Variants in SYNCRIP observed in about 807,000 individuals in gnomAD.
The protein encoded by SYNCRIP is heterogeneous nuclear ribonucleoprotein Q.
A neutral mutation model predicts 68.9 loss-of-function variants in SYNCRIP; 9 were observed. That is an observed-to-expected ratio of 0.13 (90% CI 0.08 to 0.23). The LOEUF is 0.23. Among genes scored for constraint, SYNCRIP ranks in the 10% least tolerant of loss-of-function variants. The pLI is 1.00. For missense variants in SYNCRIP, 414 were observed against 770.6 expected, an observed-to-expected ratio of 0.54 and a Z score of 5.48; for synonymous variants, 258 against 254.0, an observed-to-expected ratio of 1.02 and a Z score of -0.15.
chr6:85,619,048 C>T, intron 9 of SYNCRIP, 109 bp from the exon 10 acceptor site: 1 of 1,226,910 alleles, frequency 8.2e-7, no homozygotes, highest in Non-Finnish European at 1.2e-6. Context: ...AGAGAAAGCC[C>T]CATGCAGGCA....
At chr6:85,631,618 T>C (rs984748775) in intron 6 of SYNCRIP, among the ~76,000 whole-genome samples, 1 of 152,222 alleles carries the variant, frequency 6.6e-6, no homozygotes, top group Non-Finnish European at 1.5e-5. Context: ...ATAAAAAGTG[T>C]TAGATGCTAA....
chr6:85,612,142 CTAAGAA>C (rs1319275720), downstream of SYNCRIP: 1 of 152,102 alleles, frequency 6.6e-6, no homozygotes, highest in African/African-American at 2.4e-5. Context: ...CTAAAGGCAA[CTAAGAA>C]TGTTACATTT....
intron 2 of SYNCRIP, 91 bp downstream of exon 2, chr6:85,641,201 T>A: frequency 1.8e-6 from 2 of 1,083,368 alleles, no homozygotes; most frequent in East Asian, 2.4e-5. Context: ...CCCACACTTA[T>A]TGGAAACCAC....
At chr6:85,622,330 T>C (rs1806510995) in intron 8 of SYNCRIP, 152 bp downstream of exon 8, 2 of 737,916 alleles carry the variant, frequency 2.7e-6, no homozygotes, top group South Asian at 1.9e-5. Flanking sequence ...GATGGCACCA[T>C]GGCACTCCAG....
chr6:85,619,682 T>G (rs907589688), intron 8 of SYNCRIP, among the ~76,000 whole-genome samples: 1 of 152,224 alleles, frequency 6.6e-6, no homozygotes, highest in Admixed American at 6.5e-5. Flanking sequence ...TAATCTGTCA[T>G]TCGGAAACCG....
chr6:85,608,132 T>C (rs1201479929), downstream of SYNCRIP: 1 of 152,120 alleles, frequency 6.6e-6, no homozygotes, highest in East Asian at 1.9e-4. Context: ...ACATTTATTC[T>C]ATTCATCTTC....
At chr6:85,641,760 C>T (rs1390867791) in intron 1 of SYNCRIP, among the ~76,000 whole-genome samples, 1 of 152,166 alleles carries the variant, frequency 6.6e-6, no homozygotes, top group East Asian at 1.9e-4. Flanking sequence ...GCAGCTGTGC[C>T]CGTTCGGAAA....
At chr6:85,608,410 C>T (rs1804989986) in exon 12 of SYNCRIP, 1 of 151,920 alleles carries the variant, frequency 6.6e-6, no homozygotes, top group Non-Finnish European at 1.5e-5. Flanking sequence ...AAAATCTTAA[C>T]ATCAGAGGCA....
rs1809116485 is a variant in SYNCRIP, at chr6:85,641,349, G to C, written c.91C>G (p.Leu31Val). The C allele has an allele frequency of 6.2e-7, 1 of 1,612,504 alleles. No homozygotes were observed. The highest frequency in any genetic ancestry group is 8.5e-7 in the Non-Finnish European group (1 of 1,179,958). ...VIHSENFQTL[L>V]DAGLPQKVAE... ...ACTTTCTGTGGTAAACCAGCATCAAGCAATGTCTGAAAATTTTCTGAATGG... is the reference window on the plus strand; with the variant it reads ...ACTTTCTGTGGTAAACCAGCATCAACCAATGTCTGAAAATTTTCTGAATGG... The change falls in exon 2 of 11, where the codon CTT (leucine) becomes GTT (valine). Residue 31 changes from leucine to valine, a missense_variant. By Grantham distance (32) the Leu-to-Val change is conservative (BLOSUM62 1). Coordinates refer to ENST00000369622, the MANE Select transcript of SYNCRIP (RefSeq NM_006372.5).
chr6:85,632,476 G>T (rs901904736), intron 6 of SYNCRIP, among the ~76,000 whole-genome samples: 2 of 152,028 alleles, frequency 1.3e-5, no homozygotes, highest in Non-Finnish European at 2.9e-5. Context: ...TTAGGAAAGG[G>T]GTATTCATGT....
At chr6:85,637,384 A>G (rs769457685) in intron 4 of SYNCRIP, 28 bp from the exon 5 acceptor site, 15 of 1,442,460 alleles carry the variant, frequency 1.0e-5, no homozygotes, top group Admixed American at 1.8e-5. Context: ...TCATTAATAC[A>G]TTTAATTCAC....
rs762989699 is a variant in SYNCRIP at position 85,640,302 on chromosome 6, G to C, written c.294C>G (p.Val98=). The C allele has an allele frequency of 1.2e-6, 2 of 1,613,574 alleles. No homozygotes were observed. Among genetic ancestry groups the C allele is most frequent in the South Asian group, 2.2e-5 (2 of 90,988 alleles). The change falls in exon 4 of 11, where the codon GTC becomes GTG. Residue 98 remains valine, a synonymous_variant. Coordinates refer to ENST00000369622, the MANE Select transcript of SYNCRIP (RefSeq NM_006372.5). Reference sequence around the variant, plus strand: ...TTTCTCTCTGCCTGTAAGTCTTCATGACTCCACATAAAAAGGCACTTTTGT... The same window carrying C: ...TTTCTCTCTGCCTGTAAGTCTTCATCACTCCACATAAAAAGGCACTTTTGT... ...VQNKSAFLCG[V]MKTYRQREKQ... is the part of the protein sequence containing the mutation.
intron 7 of SYNCRIP, 86 bp downstream of exon 7, chr6:85,623,889 GTA>G (rs1349219521): frequency 2.7e-6 from 4 of 1,480,834 alleles, no homozygotes; most frequent in Admixed American, 4.0e-5. Context: ...GTCAATAAAT[GTA>G]TTTAGAACAA....
chr6:85,619,030 G>C lies in SYNCRIP; in HGVS notation c.1159-91C>G, dbSNP rs1488778027. The C allele has an allele frequency of 2.2e-6, 3 of 1,359,250 alleles. No individual in the cohort carries two copies. In the Admixed American group the frequency reaches 6.3e-5, roughly 29 times the overall value. The allele number at this position is 1,359,250 out of a possible 1,614,324, so 84.2% of individuals were successfully genotyped here. A position where few individuals can be genotyped will look rare whatever the true frequency, so the allele number is the denominator to read the frequency against. On this transcript the variant is annotated intron_variant, in intron 9 of 10. Transcript: ENST00000369622. ...GGAATATCATTTATCATTAATGTGG[G>C]AAGGACAAGAGAAAGCCCCATGCAG...
rs1806066079 is a variant in SYNCRIP at position 85,618,749 on chromosome 6, C to A, written c.1280+69G>T. On this transcript the variant is annotated intron_variant, in intron 10 of 10. Transcript: ENST00000369622. ...TGCATTTAACAAGTCTGATCAACAC[C>A]TGTTATTTTCCAATTAGTGTATAAA... The A allele has an allele frequency of 3.0e-6, 4 of 1,335,308 alleles. No individual in the cohort carries two copies. The East Asian group carries it at 7.6e-5, about 25-fold the overall frequency. 82.7% of individuals were successfully genotyped at this position (1,335,308 alleles called of 1,614,324 possible).
At chr6:85,634,283 G>C (rs1026529397) in intron 6 of SYNCRIP, among the ~76,000 whole-genome samples, 1 of 152,128 alleles carries the variant, frequency 6.6e-6, no homozygotes, top group Non-Finnish European at 1.5e-5. Flanking sequence ...TTCCTCTAAT[G>C]ATGTATCTTT....
rs769330817 is a variant in SYNCRIP, at chr6:85,615,352, TAAAAA to T, written c.1281-10_1281-6del. ...TAATAGTAGTAATCGTCATACCTAT[TAAAAA>T]AGAGACAGAGATTAGAGTTTAAATC... is the stretch of plus-strand genomic sequence containing the variant. On this transcript the variant is annotated splice_polypyrimidine_tract_variant and splice_region_variant and intron_variant, in intron 10 of 10. Coordinates refer to ENST00000369622, the MANE Select transcript of SYNCRIP (RefSeq NM_006372.5). 1 of 1,459,558 alleles carries T rather than the reference TAAAAA, an allele frequency of 6.9e-7. No individual in the cohort carries two copies. Among genetic ancestry groups the T allele is most frequent in the Non-Finnish European group, 9.1e-7 (1 of 1,098,654 alleles). The allele number at this position is 1,459,558 out of a possible 1,614,324, so 90.4% of individuals were successfully genotyped here.
intron 10 of SYNCRIP, 71 bp from the exon 11 acceptor site, chr6:85,615,418 T>C: frequency 9.9e-7 from 1 of 1,011,716 alleles, no homozygotes; most frequent in Non-Finnish European, 1.4e-6. Context: ...TTTAGCCATT[T>C]GTAACAGTTT....
Position 85,619,223 on chromosome 6 carries a change from A to C in SYNCRIP, c.1158+45T>G, listed in dbSNP as rs1806115690. 4 of 1,597,476 alleles carry C rather than the reference A, an allele frequency of 2.5e-6. No homozygotes were observed. In the African/African-American group the frequency reaches 4.1e-5, roughly 16 times the overall value. On this transcript the variant is annotated intron_variant, in intron 9 of 10. Coordinates refer to ENST00000369622, the MANE Select transcript of SYNCRIP (RefSeq NM_006372.5). ...CTATTTTGAGATTCTAAAATGACTAAATTTGTTAGTCTGATTTAGATGCCT... is the reference window on the plus strand; with the variant it reads ...CTATTTTGAGATTCTAAAATGACTACATTTGTTAGTCTGATTTAGATGCCT...
Sources: allele counts gnomAD v4.1 joint callset (sites outside exome capture counted in the v4.1 genomes callset), GRCh38; gene constraint gnomAD v4.1.1; transcripts MANE v1.5; gene names NCBI Gene and HGNC (gene_info 2026-07-23, HGNC 2026-07-21).